Variants in VWA3A observed in about 807,000 individuals in gnomAD.
The protein encoded by VWA3A is von Willebrand factor A domain containing 3A.
A neutral mutation model predicts 160.4 loss-of-function variants in VWA3A; 134 were observed. The ratio of observed to expected loss-of-function variants is 0.84; its 90% confidence interval spans 0.73 to 0.96. VWA3A has a LOEUF of 0.96. Ranked by LOEUF, VWA3A falls within the 40% of genes least tolerant of loss-of-function variation. The pLI, the probability that VWA3A is intolerant of heterozygous loss-of-function variation, is 0.00. For synonymous variants in VWA3A, 476 were observed against 543.4 expected, an observed-to-expected ratio of 0.88 and a Z score of 1.72; for missense variants, 1,310 against 1,447.9, an observed-to-expected ratio of 0.90 and a Z score of 1.55.
intron 13 of VWA3A, among the ~76,000 whole-genome samples, 197 bp from the exon 14 acceptor site, chr16:22,121,317 C>T (rs1383168335): frequency 6.6e-6 from 1 of 152,138 alleles, no homozygotes; most frequent in Non-Finnish European, 1.5e-5. Context: ...GTGGCATGCA[C>T]CTGCAGTCCC....
rs2046084485 is a variant in VWA3A, at chr16:22,138,478, C to T, written c.2258C>T (p.Pro753Leu). 1 of 1,613,866 alleles carries T rather than the reference C, an allele frequency of 6.2e-7. No individual in the cohort carries two copies. The highest frequency in any genetic ancestry group is 8.5e-7 in the Non-Finnish European group (1 of 1,179,888). ...AGAAGTCAGCCCAAGAAGCTCTGCC[C>T]TCCCAGGCCCACCGTCCCCCTGGGG... ...QLRSQPKKLC[P>L]PRPTVPLGAR... Residue 753 changes from proline to leucine, a missense_variant, in exon 22 of 34, where the codon CCT (proline) becomes CTT (leucine). Transcript: ENST00000389398.
intron 3 of VWA3A, 96 bp downstream of exon 3, chr16:22,097,791 G>A: frequency 2.7e-6 from 4 of 1,484,090 alleles, no homozygotes; most frequent in Non-Finnish European, 3.6e-6. Context: ...CTTCTCATAG[G>A]ATTCTAGGAC....
intron 7 of VWA3A, among the ~76,000 whole-genome samples, chr16:22,109,835 T>A (rs1442915661): frequency 6.6e-6 from 1 of 152,220 alleles, no homozygotes; most frequent in Non-Finnish European, 1.5e-5. Context: ...AGTCTTTGAC[T>A]CAAGAGCTCC....
chr16:22,136,874 T>TACAC (rs747914882), intron 21 of VWA3A, among the ~76,000 whole-genome samples: 2,230 of 134,576 alleles, frequency 0.017, 57 homozygotes, highest in African/African-American at 0.064. Flanking sequence ...CTACTAAAAA[T>TACAC]ACACACACAC....
intron 9 of VWA3A, chr16:22,116,475 G>C: frequency 2.0e-6 from 1 of 500,994 alleles, no homozygotes; most frequent in Non-Finnish European, 3.6e-6. Flanking sequence ...GGAAGAGAGA[G>C]AAAGAAAAGA....
chr16:22,133,236 G>A, intron 20 of VWA3A, 141 bp downstream of exon 20: 3 of 977,542 alleles, frequency 3.1e-6, no homozygotes, highest in Non-Finnish European at 4.5e-6. Flanking sequence ...TTCCTCTGAA[G>A]ATAGATAGCA....
intron 8 of VWA3A, among the ~76,000 whole-genome samples, chr16:22,112,456 T>C (rs2045566629): frequency 6.6e-6 from 1 of 152,208 alleles, no homozygotes; most frequent in South Asian, 2.1e-4. Context: ...CAGTTGCTCA[T>C]GCCTGTAATC....
intron 21 of VWA3A, among the ~76,000 whole-genome samples, chr16:22,138,114 G>T (rs2046077157): frequency 6.6e-6 from 1 of 152,158 alleles, no homozygotes; most frequent in Non-Finnish European, 1.5e-5. Flanking sequence ...TTGGCATGAG[G>T]GTTGGAGACC....
chr16:22,097,198 C>T (rs1167548094), intron 2 of VWA3A, among the ~76,000 whole-genome samples: 1 of 152,084 alleles, frequency 6.6e-6, no homozygotes, highest in Non-Finnish European at 1.5e-5. Flanking sequence ...ATCCCCTGAC[C>T]TCATGATCCG....
At chr16:22,122,482 TGGAA>T (rs376059548) in intron 14 of VWA3A, among the ~76,000 whole-genome samples, 25 of 151,244 alleles carry the variant, frequency 1.7e-4, no homozygotes, top group African/African-American at 5.6e-4. Context: ...GATGGAGAAA[TGGAA>T]GGAAGGAATA....
In VWA3A at chr16:22,115,352, A is replaced by G. The variant is rs752148780; in HGVS notation, c.695A>G (p.Gln232Arg). 2.5e-6 allele frequency: 4 copies of G among 1,593,606 alleles called. No individual in the cohort carries two copies. The Admixed American group carries it at 7.1e-5, about 28-fold the overall frequency. The change falls in exon 9 of 34, where the codon CAG (glutamine) becomes CGG (arginine). Residue 232 changes from glutamine (Q) to arginine (R), a missense_variant. Transcript: ENST00000389398. ...CTGTTGTTGTCTCCTCCCAGCCTCC[A>G]GGAACTTAAGCTCTGGGTAAAGACG... ...DPMEVSASTL[Q>R]ELKLWVKTLQ...
At chr16:22,113,576 G>A (rs1337776354) in intron 8 of VWA3A, among the ~76,000 whole-genome samples, 1 of 148,452 alleles carries the variant, frequency 6.7e-6, no homozygotes, top group Non-Finnish European at 1.5e-5. Flanking sequence ...ATTTATTATT[G>A]AAAGAAACTT....
chr16:22,115,909 GGAAGGAAGGAAGGAAAGGAAAGGAAA>G, intron 9 of VWA3A, among the ~76,000 whole-genome samples: 1 of 35,430 alleles, frequency 2.8e-5, no homozygotes, highest in Admixed American at 2.9e-4. Flanking sequence ...AAGGAAGGAA[GGAAGGAAGGAAGGAAAGGAAAGGAAA>G]GGAAGGGAGG....
chr16:22,123,352 TTA>T, intron 15 of VWA3A, 187 bp downstream of exon 15: 7 of 1,281,236 alleles, frequency 5.5e-6, no homozygotes, highest in African/African-American at 1.5e-5. Flanking sequence ...CTCAATGCCT[TTA>T]AAAAAAAAAA....
chr16:22,107,727 G>T (rs1390450867), intron 6 of VWA3A, among the ~76,000 whole-genome samples: 2 of 152,136 alleles, frequency 1.3e-5, no homozygotes, highest in Non-Finnish European at 2.9e-5. Flanking sequence ...GGAAGCTCTT[G>T]TTAAAATAAA....
chr16:22,103,641 A>G, intron 6 of VWA3A, 112 bp downstream of exon 6: 3 of 1,298,464 alleles, frequency 2.3e-6, no homozygotes, highest in Non-Finnish European at 1.1e-6. Flanking sequence ...TAAGCTAAAA[A>G]AAGGCATTTA....
intron 6 of VWA3A, 95 bp downstream of exon 6, chr16:22,103,624 A>T: frequency 7.0e-7 from 1 of 1,429,390 alleles, no homozygotes; most frequent in South Asian, 1.3e-5. Flanking sequence ...CTCCAATATA[A>T]ATTGCTTAAG....
rs376704762 is a variant in VWA3A at position 22,140,259 on chromosome 16, C to T, written c.2383+15C>T. ...CATCTCACCAGGTAAGGCACCATCA[C>T]GGTCAGGCAGGGTGGAGGGATGTCA... On this transcript the variant is annotated intron_variant, in intron 23 of 33. Transcript: ENST00000389398. The T allele has an allele frequency of 3.8e-5, 62 of 1,611,764 alleles. No homozygotes were observed. Among genetic ancestry groups the T allele is most frequent in the East Asian group, 1.3e-4 (6 of 44,848 alleles).
chr16:22,103,580 A>G, intron 6 of VWA3A, 51 bp downstream of exon 6: 1 of 1,543,674 alleles, frequency 6.5e-7, no homozygotes, highest in Non-Finnish European at 8.8e-7. Context: ...TTCCATTTGT[A>G]TTTGTTAGAA....
Sources: gnomAD v4.1 joint callset for allele counts (sites outside exome capture counted in the v4.1 genomes callset) on GRCh38, gnomAD v4.1.1 for gene constraint, MANE v1.5 for transcripts, NCBI Gene and HGNC (gene_info 2026-07-23, HGNC 2026-07-21) for gene names.